Variants in BIRC6 observed in about 807,000 individuals in gnomAD.
BIRC6 encodes dual E2 ubiquitin-conjugating enzyme/E3 ubiquitin-protein ligase BIRC6.
A neutral mutation model predicts 503.3 loss-of-function variants in BIRC6; 98 were observed. That is an observed-to-expected ratio of 0.19 (90% CI 0.17 to 0.23). The LOEUF (loss-of-function observed/expected upper bound fraction) is 0.23, where lower values mean the gene tolerates loss of function less well. BIRC6 is among the 10% of genes least tolerant of loss of function. The pLI is 1.00. For missense variants in BIRC6, 5,360 were observed against 5,806.0 expected (o/e 0.92, Z 2.50); for synonymous variants, 2,240 against 2,078.7 (o/e 1.08, Z -2.11).
At chr2:32,538,510 C>A (rs1323922276) in intron 61 of BIRC6, among the ~76,000 whole-genome samples, 1 of 152,158 alleles carries the variant, frequency 6.6e-6, no homozygotes, top group Non-Finnish European at 1.5e-5. Context: ...ATAGACTCTT[C>A]TAATAAATTA....
At chr2:32,577,885 C>A (rs754201845) in intron 66 of BIRC6, among the ~76,000 whole-genome samples, 2 of 152,164 alleles carry the variant, frequency 1.3e-5, no homozygotes, top group Non-Finnish European at 2.9e-5. Context: ...AGAGAACATT[C>A]TTCAGACTTA....
rs773946249 is a variant in BIRC6, at chr2:32,463,354, G to A, written c.4914G>A (p.Gln1638=). Residue 1638 remains glutamine (Q), a synonymous_variant, in exon 24 of 74, where the codon CAG becomes CAA. Transcript: ENST00000421745. ...AGCTACAGGTGCTGCAAGAGAAACA[G>A]CAGCAGCTTTTGAAGCTTCAGCAAC... ...EQQLQVLQEK[Q]QQLLKLQQQK... The A allele has an allele frequency of 7.4e-6, 12 of 1,612,360 alleles. No homozygotes were observed. Among genetic ancestry groups the A allele is most frequent in the Non-Finnish European group, 1.0e-5 (12 of 1,179,344 alleles).
At chr2:32,483,446 T>C (rs1294172169) in intron 39 of BIRC6, among the ~76,000 whole-genome samples, 2 of 152,206 alleles carry the variant, frequency 1.3e-5, no homozygotes, top group Non-Finnish European at 1.5e-5. Flanking sequence ...TGTTTTGTTT[T>C]ACAAATCAGG....
chr2:32,436,038 T>C lies in BIRC6; in HGVS notation c.3500-15T>C. 1 of 1,343,772 alleles carries C rather than the reference T, an allele frequency of 7.4e-7. No homozygotes were observed. Among genetic ancestry groups the C allele is most frequent in the Non-Finnish European group, 9.8e-7 (1 of 1,018,576 alleles). 83.2% of individuals were successfully genotyped at this position (1,343,772 alleles called of 1,614,324 possible). On this transcript the variant is annotated splice_polypyrimidine_tract_variant and intron_variant, in intron 14 of 73. Transcript: ENST00000421745. ...TGAATGAATTTAAAAGAAAAATATGTATTTTTCTTTTTAGGTCTTAGATTA... is the reference window on the plus strand; with the variant it reads ...TGAATGAATTTAAAAGAAAAATATGCATTTTTCTTTTTAGGTCTTAGATTA...
At chr2:32,405,721 T>C (rs933904106) in intron 8 of BIRC6, among the ~76,000 whole-genome samples, 1 of 152,232 alleles carries the variant, frequency 6.6e-6, no homozygotes, top group Admixed American at 6.5e-5. Context: ...TAAAATTGCA[T>C]GTACATGTGA....
At chr2:32,422,673 T>C (rs1293744026) in intron 10 of BIRC6, among the ~76,000 whole-genome samples, 1 of 152,206 alleles carries the variant, frequency 6.6e-6, no homozygotes, top group Non-Finnish European at 1.5e-5. Flanking sequence ...TTGATTTTGC[T>C]TGTTTTTGCC....
intron 6 of BIRC6, among the ~76,000 whole-genome samples, chr2:32,398,780 AAG>A (rs1008350002): frequency 1.3e-4 from 20 of 152,234 alleles, no homozygotes; most frequent in African/African-American, 4.6e-4. Context: ...AAACTCAGGA[AAG>A]AGAGAGAGAC....
intron 61 of BIRC6, among the ~76,000 whole-genome samples, chr2:32,538,241 T>C (rs931198410): frequency 1.3e-5 from 2 of 152,066 alleles, no homozygotes; most frequent in Non-Finnish European, 2.9e-5. Flanking sequence ...GCTGAGGAGC[T>C]CCAAATTCTG....
chr2:32,567,017 C>G (rs1046203720), intron 65 of BIRC6, among the ~76,000 whole-genome samples: 5 of 152,214 alleles, frequency 3.3e-5, no homozygotes, highest in African/African-American at 1.2e-4. Context: ...GTTACCCAGG[C>G]TAGAGTACAG....
intron 65 of BIRC6, among the ~76,000 whole-genome samples, chr2:32,553,414 G>A (rs1239579685): frequency 6.6e-6 from 1 of 151,680 alleles, no homozygotes; most frequent in Non-Finnish European, 1.5e-5. Flanking sequence ...TTGAGACAGA[G>A]TCTCATTCTG....
At chr2:32,434,313 A>G (rs1418006863) in intron 13 of BIRC6, among the ~76,000 whole-genome samples, 1 of 152,212 alleles carries the variant, frequency 6.6e-6, no homozygotes, top group Non-Finnish European at 1.5e-5. Context: ...TTTCTCCTTA[A>G]TAAGTTAGTT....
rs189590812 is a variant in BIRC6, at chr2:32,500,251, G to C, written c.9031+142G>C. 7 of 702,740 alleles carry C rather than the reference G, an allele frequency of 1.0e-5. No homozygotes were observed. In the Admixed American group the frequency reaches 2.3e-4, roughly 23 times the overall value. The allele number at this position is 702,740 out of a possible 1,614,324, so 43.5% of individuals were successfully genotyped here. A position where few individuals can be genotyped will look rare whatever the true frequency, so the allele number is the denominator to read the frequency against. On this transcript the variant is annotated intron_variant, in intron 46 of 73. Transcript: ENST00000421745. ...TTCATGACTGATTTTTATTGGTGAG[G>C]ACTTCTGTTTAGGGGCTTCAATTAA...
At chr2:32,523,430 G>A (rs968604278) in intron 57 of BIRC6, 3 of 152,078 alleles carry the variant, frequency 2.0e-5, no homozygotes, top group Admixed American at 1.3e-4. Flanking sequence ...ATTATGCTAT[G>A]AATTAATTTT....
chr2:32,422,945 T>TATA (rs1406491976), intron 10 of BIRC6, among the ~76,000 whole-genome samples: 1 of 152,216 alleles, frequency 6.6e-6, no homozygotes. Flanking sequence ...CTCTCTATTT[T>TATA]TTTATTTTTG....
chr2:32,517,152 A>G (rs576721741), intron 55 of BIRC6, among the ~76,000 whole-genome samples: 8 of 152,190 alleles, frequency 5.3e-5, no homozygotes, highest in Non-Finnish European at 1.0e-4. Context: ...ACAACATGGC[A>G]AAACCTCCTG....
intron 9 of BIRC6, among the ~76,000 whole-genome samples, chr2:32,413,570 C>T (rs2042119485): frequency 6.6e-6 from 1 of 152,084 alleles, no homozygotes; most frequent in Non-Finnish European, 1.5e-5. Flanking sequence ...CTGCCTACCT[C>T]AACCTCCCAA....
intron 39 of BIRC6, 98 bp from the exon 40 acceptor site, chr2:32,485,545 A>G: frequency 1.3e-6 from 1 of 743,912 alleles, no homozygotes; most frequent in Non-Finnish European, 2.2e-6. Context: ...CACACTCTTC[A>G]TCCTCTCTTG....
At chr2:32,586,830 A>G (rs749345885) in intron 66 of BIRC6, among the ~76,000 whole-genome samples, 2 of 152,138 alleles carry the variant, frequency 1.3e-5, no homozygotes, top group Admixed American at 6.5e-5. Flanking sequence ...CATATTATCT[A>G]TAGATTTTAG....
intron 68 of BIRC6, among the ~76,000 whole-genome samples, chr2:32,595,874 G>A (rs1033851602): frequency 6.6e-6 from 1 of 152,140 alleles, no homozygotes; most frequent in African/African-American, 2.4e-5. Flanking sequence ...ATATATGAAA[G>A]TGATTTATAC....
Sources: allele counts gnomAD v4.1 joint callset (sites outside exome capture counted in the v4.1 genomes callset), GRCh38; gene constraint gnomAD v4.1.1; transcripts MANE v1.5; gene names NCBI Gene and HGNC (gene_info 2026-07-23, HGNC 2026-07-21).